Variants in IL1RAPL1 observed in about 807,000 individuals in gnomAD.
The protein encoded by IL1RAPL1 is interleukin 1 receptor accessory protein like 1.
In IL1RAPL1, 3 loss-of-function variants were observed where a neutral mutation model predicts 48.4. That is an observed-to-expected ratio of 0.06 (90% CI 0.03 to 0.16). IL1RAPL1 has a LOEUF of 0.16. Among genes scored for constraint, IL1RAPL1 ranks in the 10% least tolerant of loss-of-function variants. The probability of loss-of-function intolerance (pLI) is 1.00; values close to 1 mark genes in which losing one functional copy is unlikely to be tolerated. For missense variants in IL1RAPL1, 349 were observed against 530.6 expected (o/e 0.66, Z 3.36); for synonymous variants, 185 against 187.7 (o/e 0.99, Z 0.12).
intron 6 of IL1RAPL1, among the ~76,000 whole-genome samples, chrX:29,753,894 A>G (rs963505991): frequency 1.1e-4 from 12 of 112,206 alleles, no homozygotes; most frequent in African/African-American, 3.9e-4. Flanking sequence ...AGTGAACACT[A>G]TGCAGTGCTA....
intron 6 of IL1RAPL1, among the ~76,000 whole-genome samples, chrX:29,897,310 AT>A (rs889632560): frequency 6.4e-4 from 70 of 109,459 alleles, no homozygotes; most frequent in African/African-American, 1.9e-3. Context: ...GTTTCTATTT[AT>A]TTTTTTTTCA....
At chrX:29,067,057 C>G (rs1302181790) in intron 2 of IL1RAPL1, among the ~76,000 whole-genome samples, 3 of 111,323 alleles carry the variant, frequency 2.7e-5, no homozygotes, top group Non-Finnish European at 5.7e-5. Flanking sequence ...GCTGCTTGCC[C>G]TTAGGGAACC....
chrX:29,797,863 A>T (rs1929781011), intron 6 of IL1RAPL1, among the ~76,000 whole-genome samples: 1 of 111,168 alleles, frequency 9.0e-6, no homozygotes, highest in Non-Finnish European at 1.9e-5. Context: ...ACACAGCGAG[A>T]CTCCATCTCA....
At chrX:29,062,274 C>T (rs1395513849) in intron 2 of IL1RAPL1, among the ~76,000 whole-genome samples, 2 of 112,075 alleles carry the variant, frequency 1.8e-5, no homozygotes, top group African/African-American at 6.5e-5. Context: ...CCAGATATGC[C>T]TGTCTTCTGT....
At chrX:28,631,543 T>C (rs939417846) in intron 1 of IL1RAPL1, among the ~76,000 whole-genome samples, 2 of 112,398 alleles carry the variant, frequency 1.8e-5, no homozygotes, top group African/African-American at 6.4e-5. Flanking sequence ...GGGTGAAAAA[T>C]TCCTTCAAAC....
At chrX:29,698,549 G>A (rs1601784471) in intron 6 of IL1RAPL1, among the ~76,000 whole-genome samples, 1 of 109,372 alleles carries the variant, frequency 9.1e-6, no homozygotes, top group African/African-American at 3.3e-5. Context: ...AAGGAGGGAA[G>A]GAGTGAAGGA....
chrX:28,972,636 G>A (rs1231717016), intron 2 of IL1RAPL1, among the ~76,000 whole-genome samples: 2 of 111,287 alleles, frequency 1.8e-5, no homozygotes, highest in Non-Finnish European at 3.8e-5. Context: ...CTACTTGGGA[G>A]GCTGAGGCGG....
intron 5 of IL1RAPL1, among the ~76,000 whole-genome samples, chrX:29,537,708 T>C (rs1357715494): frequency 9.1e-6 from 1 of 110,378 alleles, no homozygotes; most frequent in African/African-American, 3.3e-5. Flanking sequence ...GGGTTGTAGT[T>C]GTAGAACAGA....
At chrX:29,578,707 C>A (rs776097969) in intron 5 of IL1RAPL1, among the ~76,000 whole-genome samples, 2 of 111,839 alleles carry the variant, frequency 1.8e-5, no homozygotes, top group South Asian at 7.5e-4. Context: ...TTATTTCCTG[C>A]CATTTCTTGT....
At chrX:29,838,131 A>T (rs1473002823) in intron 6 of IL1RAPL1, among the ~76,000 whole-genome samples, 1 of 111,950 alleles carries the variant, frequency 8.9e-6, no homozygotes, top group Non-Finnish European at 1.9e-5. Context: ...AGTAATATAC[A>T]CAGTGATTTA....
At chrX:29,337,531 A>G (rs916525254) in intron 3 of IL1RAPL1, among the ~76,000 whole-genome samples, 1 of 111,754 alleles carries the variant, frequency 8.9e-6, no homozygotes, top group African/African-American at 3.3e-5. Context: ...ATGTGACCTT[A>G]GAGAAGTACC....
intron 5 of IL1RAPL1, among the ~76,000 whole-genome samples, chrX:29,545,253 A>G (rs571997982): frequency 2.5e-4 from 27 of 109,964 alleles, no homozygotes; most frequent in Middle Eastern, 4.6e-3. Flanking sequence ...TGGACAACAA[A>G]TGTTCGTAAA....
chrX:28,970,665 C>T (rs1399696052), intron 2 of IL1RAPL1, among the ~76,000 whole-genome samples: 3 of 111,552 alleles, frequency 2.7e-5, no homozygotes, highest in Non-Finnish European at 5.6e-5. Flanking sequence ...AAAGCAACAA[C>T]AGCATTGAAG....
rs1185136571 is a variant in IL1RAPL1 at position 28,926,438 on chromosome X, TAGTA to T, written c.82+137016_82+137019del. ...CTAGTATTGTTAAAACAAGAGTACT[TAGTA>T]AGAATTATTGATATGGCACTGTACA... On this transcript the variant is annotated intron_variant, in intron 2 of 10. Transcript: ENST00000378993. Among the ~76,000 whole-genome samples the T allele has an allele frequency of 4.5e-5, 5 of 110,753 alleles. No homozygotes were observed. In the East Asian group the frequency reaches 8.5e-4, roughly 19 times the overall value.
chrX:29,372,677 T>TC (rs748924414), intron 3 of IL1RAPL1, among the ~76,000 whole-genome samples: 11 of 111,029 alleles, frequency 9.9e-5, no homozygotes, highest in Non-Finnish European at 1.5e-4. Context: ...GGAAGTCCGT[T>TC]CCCCATTGCT....
intron 1 of IL1RAPL1, among the ~76,000 whole-genome samples, chrX:28,657,354 C>T (rs1461456739): frequency 2.7e-5 from 3 of 111,612 alleles, no homozygotes; most frequent in Non-Finnish European, 3.8e-5. Flanking sequence ...TTTTCCAGTT[C>T]CAGTAAAATT....
chrX:29,664,739 T>G (rs760746685), intron 5 of IL1RAPL1, among the ~76,000 whole-genome samples: 9 of 111,758 alleles, frequency 8.1e-5, no homozygotes, highest in African/African-American at 2.3e-4. Context: ...GTTCCATAGC[T>G]CAAGTGTAAA....
chrX:29,430,281 A>C (rs1311776970), intron 5 of IL1RAPL1, among the ~76,000 whole-genome samples: 1 of 111,183 alleles, frequency 9.0e-6, no homozygotes, highest in African/African-American at 3.3e-5. Flanking sequence ...AGGTAAACAG[A>C]ATCTTGGAGA....
intron 3 of IL1RAPL1, among the ~76,000 whole-genome samples, chrX:29,328,540 G>T (rs941615694): frequency 9.1e-6 from 1 of 109,923 alleles, no homozygotes; most frequent in Non-Finnish European, 1.9e-5. Flanking sequence ...GGAAAGAAAA[G>T]AAAGTAGACT....
Sources: allele counts gnomAD v4.1 joint callset (sites outside exome capture counted in the v4.1 genomes callset), GRCh38; gene constraint gnomAD v4.1.1; transcripts MANE v1.5; gene names NCBI Gene and HGNC (gene_info 2026-07-23, HGNC 2026-07-21).